Variants in USP44 observed in about 807,000 individuals in gnomAD.
USP44 encodes the protein ubiquitin carboxyl-terminal hydrolase 44.
A neutral mutation model predicts 69.0 loss-of-function variants in USP44; 61 were observed. The observed-to-expected ratio is 0.88, with a 90% CI of 0.72 to 1.09. USP44 has a LOEUF of 1.09. USP44 is among the 50% of genes least tolerant of loss of function. The pLI, the probability that USP44 is intolerant of heterozygous loss-of-function variation, is 0.00. For synonymous variants in USP44, 297 were observed against 295.4 expected, an observed-to-expected ratio of 1.01 and a Z score of -0.06; for missense variants, 753 against 849.9, an observed-to-expected ratio of 0.89 and a Z score of 1.42.
chr12:95,517,415 T>C lies in USP44; in HGVS notation c.*739A>G, dbSNP rs1037273179. 6.6e-6 allele frequency: 1 copy of C among 152,186 alleles called. No homozygotes were observed. Among genetic ancestry groups the C allele is most frequent in the African/African-American group, 2.4e-5 (1 of 41,444 alleles). The allele number at this position is 152,186 out of a possible 1,614,324, so 9.4% of individuals were successfully genotyped here. The stretch of plus-strand genomic sequence containing the variant: ...CACTGGTTTACTAAATTCAGACTTT[T>C]TATGACTGCTTAATTATTAGACTTC... On this transcript the variant is annotated 3_prime_UTR_variant, in exon 6 of 6. Transcript: ENST00000258499.
chr12:95,521,122 C>T lies in USP44; in HGVS notation c.1814G>A (p.Cys605Tyr). 4 of 1,614,192 alleles carry T rather than the reference C, an allele frequency of 2.5e-6. No individual in the cohort carries two copies. Among genetic ancestry groups the T allele is most frequent in the Non-Finnish European group, 3.4e-6 (4 of 1,180,038 alleles). The stretch of plus-strand genomic sequence containing the variant: ...TCTGAGGGATTTCAGGGTCTCCCTG[C>T]AGCAATAGGGCTCCATGTTTAAGAT... The part of the protein sequence containing the change: ...EEILNMEPYC[C>Y]RETLKSLRPE... Residue 605 changes from cysteine to tyrosine, a missense_variant, in exon 5 of 6, where the codon TGC becomes TAC. Coordinates refer to ENST00000258499, the MANE Select transcript of USP44 (RefSeq NM_032147.5).
chr12:95,529,388 T>G (rs2076950798), intron 2 of USP44, among the ~76,000 whole-genome samples: 1 of 152,030 alleles, frequency 6.6e-6, no homozygotes, highest in Admixed American at 6.6e-5. Flanking sequence ...GTTTAATGTA[T>G]TTATGTCATT....
intron 1 of USP44, among the ~76,000 whole-genome samples, chr12:95,547,360 T>C (rs946813493): frequency 2.0e-5 from 3 of 152,172 alleles, no homozygotes; most frequent in African/African-American, 7.2e-5. Flanking sequence ...TGAAAAAAGA[T>C]AGAATGGGGA....
intron 1 of USP44, among the ~76,000 whole-genome samples, chr12:95,536,879 C>T (rs1171153808): frequency 6.6e-6 from 1 of 152,180 alleles, no homozygotes. Context: ...TCTGCACACA[C>T]CAGCAACTCC....
In USP44 at chr12:95,533,284, G is replaced by A; in HGVS notation, c.973C>T (p.Pro325Ser). 1 of 1,614,064 alleles carries A rather than the reference G, an allele frequency of 6.2e-7. No homozygotes were observed. The highest frequency in any genetic ancestry group is 8.5e-7 in the Non-Finnish European group (1 of 1,180,032). ...SEKTRSCKHPPVTDTVVYQMN... is the reference protein window; with the variant it reads ...SEKTRSCKHPSVTDTVVYQMN... ...TGATATACTACTGTATCTGTGACTG[G>A]TGGATGCTTACAAGATCTTGTCTTC... The change falls in exon 2 of 6, where the codon CCA becomes TCA. Residue 325 changes from proline to serine, a missense_variant. Pro to Ser is a moderately conservative substitution (Grantham distance 74, BLOSUM62 -1). Transcript: ENST00000258499.
In USP44 at chr12:95,532,913, A is replaced by G; in HGVS notation, c.1344T>C (p.Ala448=). Residue 448 remains alanine, a synonymous_variant, in exon 2 of 6, where the codon GCT becomes GCC. Coordinates refer to ENST00000258499, the MANE Select transcript of USP44 (RefSeq NM_032147.5). ...ELETTGTSLP[A]LIPTSQRKLI... is the part of the protein sequence containing the mutation. ...GTTTCCTTTGAGAAGTGGGGATAAGAGCTGGTAAACTGGTACCAGTTGTCT... is the reference window on the plus strand; with the variant it reads ...GTTTCCTTTGAGAAGTGGGGATAAGGGCTGGTAAACTGGTACCAGTTGTCT... 1 of 1,614,048 alleles carries G rather than the reference A, an allele frequency of 6.2e-7. No homozygotes were observed. The highest frequency in any genetic ancestry group is 8.5e-7 in the Non-Finnish European group (1 of 1,179,998).
chr12:95,522,778 CA>C (rs36010747), intron 4 of USP44, among the ~76,000 whole-genome samples: 25,455 of 98,832 alleles, frequency 0.26, 2,186 homozygotes, highest in East Asian at 0.5. Flanking sequence ...AATTCTGGCT[CA>C]AAAAAAAAAA....
At chr12:95,521,963 C>T (rs2076679488) in intron 4 of USP44, 1 of 818,050 alleles carries the variant, frequency 1.2e-6, no homozygotes, top group Non-Finnish European at 1.5e-6. Context: ...AACTGTGTCC[C>T]CTCGCTGTGT....
At chr12:95,541,874 ATTTTT>A (rs34060895) in intron 1 of USP44, among the ~76,000 whole-genome samples, 3 of 99,540 alleles carry the variant, frequency 3.0e-5, no homozygotes, top group East Asian at 2.9e-4. Flanking sequence ...TATCATCTCC[ATTTTT>A]TTTTTTTTTT....
intron 4 of USP44, chr12:95,522,129 AAAT>A: frequency 1.0e-6 from 1 of 984,406 alleles, no homozygotes; most frequent in South Asian, 4.7e-5. Context: ...TACGAGGGGA[AAAT>A]AATGTAACAT....
intron 5 of USP44, among the ~76,000 whole-genome samples, chr12:95,519,432 A>ACTTTTTTTTTTTTTTTTTTT (rs199606254): frequency 1.2e-5 from 1 of 84,544 alleles, no homozygotes. Flanking sequence ...CTCAATCTGT[A>ACTTTTTTTTTTTTTTTTTTT]TTTTTTTTTT....
In USP44 at chr12:95,545,305, A is replaced by C. The variant is rs186845679; in HGVS notation, c.-71+5967T>G. On this transcript the variant is annotated intron_variant, in intron 1 of 5. Coordinates refer to ENST00000258499, the MANE Select transcript of USP44 (RefSeq NM_032147.5). ...TCTCATTAAAAACAAAAACGAAAAA[A>C]AAAAAACTTGAAATCTCCCAGAGGG... Among the ~76,000 whole-genome samples the C allele has an allele frequency of 2.0e-5, 3 of 152,304 alleles. 1 individual carries two copies. The highest frequency in any genetic ancestry group is 2.0e-4 in the Admixed American group (3 of 15,302).
At chr12:95,545,518 A>G (rs970985053) in intron 1 of USP44, among the ~76,000 whole-genome samples, 2 of 152,216 alleles carry the variant, frequency 1.3e-5, no homozygotes, top group African/African-American at 4.8e-5. Flanking sequence ...AACCACCACA[A>G]TGCATTTGGA....
chr12:95,520,612 A>C (rs1361354381), intron 5 of USP44, among the ~76,000 whole-genome samples: 1 of 152,230 alleles, frequency 6.6e-6, no homozygotes, highest in Non-Finnish European at 1.5e-5. Context: ...ACTTGAACGC[A>C]GTGTTTGTTC....
In USP44 at chr12:95,534,332, CAG is replaced by C; in HGVS notation, c.-70-8_-70-7del. The C allele has an allele frequency of 7.5e-7, 1 of 1,331,012 alleles. No homozygotes were observed. The highest frequency in any genetic ancestry group is 1.0e-6 in the Non-Finnish European group (1 of 962,580). The allele number at this position is 1,331,012 out of a possible 1,614,324, so 82.5% of individuals were successfully genotyped here. Reference sequence around the variant, plus strand: ...ACACTTGAAGCATCTGAAAACTAAACAGAACAATGTCAAGTGTTAATAACAAG... The same window carrying C: ...ACACTTGAAGCATCTGAAAACTAAACAACAATGTCAAGTGTTAATAACAAG... On this transcript the variant is annotated splice_region_variant and splice_polypyrimidine_tract_variant and intron_variant, in intron 1 of 5. Transcript: ENST00000258499.
chr12:95,545,245 G>A (rs1469132689), intron 1 of USP44, among the ~76,000 whole-genome samples: 1 of 147,054 alleles, frequency 6.8e-6, no homozygotes, highest in African/African-American at 2.5e-5. Context: ...GCATAAAATA[G>A]AACACATTTA....
At chr12:95,536,681 G>A (rs894337296) in intron 1 of USP44, among the ~76,000 whole-genome samples, 14 of 152,164 alleles carry the variant, frequency 9.2e-5, no homozygotes, top group African/African-American at 2.2e-4. Context: ...AAGTCTTACC[G>A]GGATTACTGC....
chr12:95,550,798 C>G (rs1296628440), intron 1 of USP44, among the ~76,000 whole-genome samples: 1 of 151,952 alleles, frequency 6.6e-6, no homozygotes, highest in African/African-American at 2.4e-5. Context: ...GGAAGAAAAG[C>G]AAAGGCAAGC....
chr12:95,520,659 ATTTC>A (rs1481571695), intron 5 of USP44, among the ~76,000 whole-genome samples: 3 of 152,204 alleles, frequency 2.0e-5, no homozygotes, highest in Non-Finnish European at 2.9e-5. Context: ...TAGGTACCCT[ATTTC>A]TTTAACGAAA....
Sources: allele counts gnomAD v4.1 joint callset (sites outside exome capture counted in the v4.1 genomes callset), GRCh38; gene constraint gnomAD v4.1.1; transcripts MANE v1.5; gene names NCBI Gene and HGNC (gene_info 2026-07-23, HGNC 2026-07-21).